The following DCUN1D1 variants were observed in gnomAD, a reference collection of about 807,000 sequenced individuals.
The protein encoded by DCUN1D1 is DCN1-like protein 1.
A neutral mutation model predicts 39.0 loss-of-function variants in DCUN1D1; 3 were observed. The observed-to-expected ratio is 0.08, with a 90% CI of 0.04 to 0.20. The LOEUF is 0.20. Among genes scored for constraint, DCUN1D1 ranks in the 10% least tolerant of loss-of-function variants. The pLI, the probability that DCUN1D1 is intolerant of heterozygous loss-of-function variation, is 1.00. For synonymous variants in DCUN1D1, 82 were observed against 96.3 expected (o/e 0.85, Z 0.87); for missense variants, 158 against 302.4 (o/e 0.52, Z 3.54).
In DCUN1D1 at chr3:182,975,851, T is replaced by TAAAA. The variant is rs533263687; in HGVS notation, c.3+4632_3+4635dup. On this transcript the variant is annotated intron_variant, in intron 1 of 6. Transcript: ENST00000292782. Reference sequence around the variant, plus strand: ...GCTAAGCCTTCATTCCCAGATATGCTAAAAAAAAAAAAAAAAAAAAAAAAG... The same window carrying TAAAA: ...GCTAAGCCTTCATTCCCAGATATGCTAAAAAAAAAAAAAAAAAAAAAAAAAAAAG... Among the ~76,000 whole-genome samples the TAAAA allele has an allele frequency of 2.7e-3, 177 of 66,778 alleles. 4 individuals carry two copies. The highest frequency in any genetic ancestry group is 6.6e-3 in the African/African-American group (109 of 16,550). 43.8% of individuals were successfully genotyped at this position (66,778 alleles called of 152,430 possible).
At position 182,947,340 on chromosome 3, in the gene DCUN1D1, T is replaced by G; in HGVS notation, c.604-6A>C. 6.4e-7 allele frequency: 1 copy of G among 1,572,040 alleles called. No individual in the cohort carries two copies. Reference sequence around the variant, plus strand: ...ATTGATCGTTTATGATGTTCCTATTTAAAAAACAAAAACAAAATACATTTG... The same window carrying G: ...ATTGATCGTTTATGATGTTCCTATTGAAAAAACAAAAACAAAATACATTTG... On this transcript the variant is annotated splice_polypyrimidine_tract_variant and splice_region_variant and intron_variant, in intron 5 of 6. Coordinates refer to ENST00000292782, the MANE Select transcript of DCUN1D1 (RefSeq NM_020640.4).
chr3:182,964,307 C>G (rs916502219), intron 2 of DCUN1D1, among the ~76,000 whole-genome samples: 5 of 152,262 alleles, frequency 3.3e-5, no homozygotes, highest in South Asian at 4.1e-4. Context: ...ATGTCCCATA[C>G]TTATACACAT....
chr3:182,951,465 A>C (rs1002603015), intron 4 of DCUN1D1, among the ~76,000 whole-genome samples: 1 of 151,552 alleles, frequency 6.6e-6, no homozygotes, highest in Non-Finnish European at 1.5e-5. Context: ...AAATCAAAAA[A>C]ACCAGCCGAG....
Position 182,938,261 on chromosome 3 carries a change from A to C in DCUN1D1, c.*6833T>G, listed in dbSNP as rs1278610754. On this transcript the variant is annotated 3_prime_UTR_variant, in exon 7 of 7. Transcript: ENST00000292782. Reference sequence around the variant, plus strand: ...CAATCATTGTTTTTTCAAAAAAATGAATTTGAAGCCAAAGAGTGGAGAGTG... The same window carrying C: ...CAATCATTGTTTTTTCAAAAAAATGCATTTGAAGCCAAAGAGTGGAGAGTG... The C allele has an allele frequency of 1.3e-5, 2 of 152,122 alleles. No individual in the cohort carries two copies. The highest frequency in any genetic ancestry group is 2.9e-5 in the Non-Finnish European group (2 of 68,020). 9.4% of individuals were successfully genotyped at this position (152,122 alleles called of 1,614,324 possible).
upstream of DCUN1D1, chr3:182,980,541 ACGGCGG>A: frequency 4.1e-6 from 5 of 1,219,364 alleles, no homozygotes; most frequent in Admixed American, 3.0e-5. Flanking sequence ...CAGCGAATGG[ACGGCGG>A]CGGCGGCGGC....
intron 3 of DCUN1D1, among the ~76,000 whole-genome samples, chr3:182,962,037 G>A (rs1320946241): frequency 1.3e-5 from 2 of 151,954 alleles, no homozygotes; most frequent in Non-Finnish European, 2.9e-5. Context: ...CCTTCTAATC[G>A]TTTTTTGCTT....
rs1270788040 is a variant in DCUN1D1, at chr3:182,941,378, T to C, written c.*3716A>G. 1 of 151,960 alleles carries C rather than the reference T, an allele frequency of 6.6e-6. No homozygotes were observed. The highest frequency in any genetic ancestry group is 2.4e-5 in the African/African-American group (1 of 41,412). 9.4% of individuals were successfully genotyped at this position (151,960 alleles called of 1,614,324 possible). ...GATAAATAACTTCACCACAGTCCTA[T>C]GAAATAAAAATAGAAATTATTGCTA... On this transcript the variant is annotated 3_prime_UTR_variant, in exon 7 of 7. Transcript: ENST00000292782.
At chr3:182,980,559 G>A, upstream of DCUN1D1, 3 of 1,193,198 alleles carry the variant, frequency 2.5e-6, no homozygotes, top group South Asian at 4.5e-5. Context: ...GGCGGCGGCG[G>A]CTCCTCTCAC....
At chr3:182,967,144 AT>A (rs1727711242) in intron 1 of DCUN1D1, among the ~76,000 whole-genome samples, 1 of 149,442 alleles carries the variant, frequency 6.7e-6, no homozygotes. Flanking sequence ...ATATATATAT[AT>A]ATATATATAT....
chr3:182,949,868 A>G (rs1316659529), intron 4 of DCUN1D1, among the ~76,000 whole-genome samples: 1 of 152,232 alleles, frequency 6.6e-6, no homozygotes, highest in Non-Finnish European at 1.5e-5. Context: ...AATACACAGT[A>G]GGCATTCAGA....
chr3:182,962,164 T>C (rs150409765), intron 3 of DCUN1D1, among the ~76,000 whole-genome samples: 5 of 152,352 alleles, frequency 3.3e-5, no homozygotes, highest in Middle Eastern at 3.4e-3. Context: ...TTTAAAAACA[T>C]TGCTTCCTTA....
intron 1 of DCUN1D1, among the ~76,000 whole-genome samples, chr3:182,975,850 C>CT (rs1728207879): frequency 5.2e-5 from 3 of 57,614 alleles, no homozygotes; most frequent in Admixed American, 2.0e-4. Flanking sequence ...CCCAGATATG[C>CT]TAAAAAAAAA....
At chr3:182,984,016 C>G (rs1227770362), upstream of DCUN1D1, among the ~76,000 whole-genome samples, 1 of 152,204 alleles carries the variant, frequency 6.6e-6, no homozygotes, top group Non-Finnish European at 1.5e-5. Context: ...AGGTCAGAGA[C>G]CTGGTTGCAC....
At position 182,972,060 on chromosome 3, in the gene DCUN1D1, T is replaced by TG. The variant is rs1370374346; in HGVS notation, c.4-6308_4-6307insC. Among the ~76,000 whole-genome samples the TG allele has an allele frequency of 2.2e-3, 323 of 148,046 alleles. 3 individuals carry two copies. Among genetic ancestry groups the TG allele is most frequent in the Middle Eastern group, 0.01 (3 of 294 alleles). On this transcript the variant is annotated intron_variant, in intron 1 of 6. Coordinates refer to ENST00000292782, the MANE Select transcript of DCUN1D1 (RefSeq NM_020640.4). ...GAGCTTCTATTTAGGGTTTTTTTTTTTTTTTTTTTTTTGGTTGGGGGTAAG... is the reference window on the plus strand; with the variant it reads ...GAGCTTCTATTTAGGGTTTTTTTTTTGTTTTTTTTTTTTGGTTGGGGGTAAG...
upstream of DCUN1D1, among the ~76,000 whole-genome samples, chr3:182,981,270 T>G (rs1321323101): frequency 6.6e-6 from 1 of 152,150 alleles, no homozygotes; most frequent in Non-Finnish European, 1.5e-5. Flanking sequence ...GCCTGCCTAC[T>G]GCTAGCTCTC....
At chr3:182,978,633 C>T (rs935226573) in intron 1 of DCUN1D1, among the ~76,000 whole-genome samples, 1 of 152,146 alleles carries the variant, frequency 6.6e-6, no homozygotes, top group East Asian at 1.9e-4. Flanking sequence ...CTTCGGTGAC[C>T]CAGGGTGCTG....
intron 1 of DCUN1D1, among the ~76,000 whole-genome samples, chr3:182,968,661 AC>A (rs1353007230): frequency 6.6e-6 from 1 of 151,596 alleles, no homozygotes; most frequent in Non-Finnish European, 1.5e-5. Context: ...ATGCAGTGGC[AC>A]CATCTCAGCT....
At position 182,956,553 on chromosome 3, in the gene DCUN1D1, G is replaced by C. The variant is rs1727076162; in HGVS notation, c.520+4673C>G. On this transcript the variant is annotated intron_variant, in intron 4 of 6. Coordinates refer to ENST00000292782, the MANE Select transcript of DCUN1D1 (RefSeq NM_020640.4). The stretch of plus-strand genomic sequence containing the variant: ...ATCTATATGATGGAGAAGATAATAT[G>C]CTTTTACTTAGCTCAAAGGGGTTGT... Among the ~76,000 whole-genome samples, 4 of 152,294 alleles carry C rather than the reference G, an allele frequency of 2.6e-5. No individual in the cohort carries two copies. The South Asian group carries it at 6.2e-4, about 24-fold the overall frequency.
chr3:182,960,970 T>C (rs1403550008), intron 4 of DCUN1D1, among the ~76,000 whole-genome samples: 2 of 152,194 alleles, frequency 1.3e-5, no homozygotes, highest in African/African-American at 4.8e-5. Context: ...GTCAGTGGAA[T>C]TTTAACAACT....
Sources: gnomAD v4.1 joint callset for allele counts (sites outside exome capture counted in the v4.1 genomes callset) on GRCh38, gnomAD v4.1.1 for gene constraint, MANE v1.5 for transcripts, NCBI Gene and HGNC (gene_info 2026-07-23, HGNC 2026-07-21) for gene names.